Variants in EXOC6B observed in about 807,000 individuals in gnomAD.
The protein encoded by EXOC6B is exocyst complex component 6B.
A neutral mutation model predicts 113.5 loss-of-function variants in EXOC6B; 54 were observed. The observed-to-expected ratio is 0.48, with a 90% CI of 0.38 to 0.60. The LOEUF is 0.60. EXOC6B is among the 20% of genes least tolerant of loss of function. The probability of loss-of-function intolerance (pLI) is 0.00; values close to 1 mark genes in which losing one functional copy is unlikely to be tolerated. For missense variants in EXOC6B, 797 were observed against 977.5 expected, an observed-to-expected ratio of 0.82 and a Z score of 2.46; for synonymous variants, 357 against 339.0, an observed-to-expected ratio of 1.05 and a Z score of -0.58.
At chr2:72,819,718 T>C (rs1449518421) in intron 1 of EXOC6B, among the ~76,000 whole-genome samples, 3 of 152,024 alleles carry the variant, frequency 2.0e-5, no homozygotes, top group East Asian at 1.9e-4. Flanking sequence ...GCCTAGCAGG[T>C]ACCATGGCAC....
chr2:72,313,300 T>C (rs1205352551), intron 20 of EXOC6B, among the ~76,000 whole-genome samples: 1 of 152,112 alleles, frequency 6.6e-6, no homozygotes, highest in African/African-American at 2.4e-5. Context: ...AAATATTTGG[T>C]ACAACAAACC....
rs1164788371 is a variant in EXOC6B at position 72,733,264 on chromosome 2, T to G, written c.280-146A>C. On this transcript the variant is annotated intron_variant, in intron 2 of 21. Transcript: ENST00000272427. ...ACATATTGGTCCAGTGGCATTCTCT[T>G]GGGTTTAAATTATGTCAACTTTTCT... is the stretch of plus-strand genomic sequence containing the variant. 6 of 647,686 alleles carry G rather than the reference T, an allele frequency of 9.3e-6. No homozygotes were observed. In the African/African-American group the frequency reaches 1.1e-4, roughly 12 times the overall value. 40.1% of individuals were successfully genotyped at this position (647,686 alleles called of 1,614,324 possible).
At chr2:72,559,620 C>A in intron 7 of EXOC6B, 99 bp from the exon 8 acceptor site, 1 of 865,160 alleles carries the variant, frequency 1.2e-6, no homozygotes, top group Non-Finnish European at 1.8e-6. Flanking sequence ...TTTATAAAGG[C>A]CAGTTCTAGC....
intron 6 of EXOC6B, among the ~76,000 whole-genome samples, chr2:72,707,625 G>A (rs1332397068): frequency 1.3e-5 from 2 of 151,820 alleles, no homozygotes; most frequent in African/African-American, 4.8e-5. Context: ...TCTTGGCCAG[G>A]ATGGTCTTGA....
chr2:72,489,548 C>T (rs1264010689), intron 16 of EXOC6B, among the ~76,000 whole-genome samples: 2 of 152,154 alleles, frequency 1.3e-5, no homozygotes, highest in Admixed American at 6.5e-5. Flanking sequence ...AAGTACTTTA[C>T]ATGCTTCACA....
At chr2:72,706,181 T>C (rs1401102906) in intron 6 of EXOC6B, among the ~76,000 whole-genome samples, 3 of 152,132 alleles carry the variant, frequency 2.0e-5, no homozygotes, top group South Asian at 2.1e-4. Context: ...ACAAGACAGA[T>C]AGATACACAT....
At chr2:72,381,845 T>A (rs1691693359) in intron 18 of EXOC6B, among the ~76,000 whole-genome samples, 1 of 152,208 alleles carries the variant, frequency 6.6e-6, no homozygotes. Context: ...TTTCTACCAA[T>A]GAAACAAAAG....
At position 72,639,955 on chromosome 2, in the gene EXOC6B, C is replaced by A. The variant is rs113561389; in HGVS notation, c.670-64287G>T. Among the ~76,000 whole-genome samples, 24 of 152,332 alleles carry A rather than the reference C, an allele frequency of 1.6e-4. 2 individuals carry two copies. The highest frequency in any genetic ancestry group is 4.6e-4 in the African/African-American group (19 of 41,572). ...GAGGCCTGACAACTCAAAAAGCCAG[C>A]GTGCTTTCTTTCCTCCAAACAATGG... On this transcript the variant is annotated intron_variant, in intron 6 of 21. Coordinates refer to ENST00000272427, the MANE Select transcript of EXOC6B (RefSeq NM_015189.3).
chr2:72,392,916 C>T (rs2105119418), intron 18 of EXOC6B, among the ~76,000 whole-genome samples: 1 of 152,208 alleles, frequency 6.6e-6, no homozygotes, highest in East Asian at 1.9e-4. Flanking sequence ...GGGCCCAATT[C>T]TCAATGTCTC....
At chr2:72,704,238 A>T (rs1179535918) in intron 6 of EXOC6B, among the ~76,000 whole-genome samples, 2 of 150,962 alleles carry the variant, frequency 1.3e-5, no homozygotes, top group Non-Finnish European at 1.5e-5. Flanking sequence ...CTGGGTACAT[A>T]ACGAAATGAA....
intron 6 of EXOC6B, among the ~76,000 whole-genome samples, chr2:72,593,574 G>A (rs1333020128): frequency 1.3e-5 from 2 of 151,440 alleles, no homozygotes; most frequent in African/African-American, 2.4e-5. Context: ...TTCAAATGCC[G>A]GGGATGCAAT....
intron 17 of EXOC6B, among the ~76,000 whole-genome samples, chr2:72,480,345 G>A (rs551550909): frequency 4.7e-4 from 71 of 152,224 alleles, no homozygotes; most frequent in South Asian, 1.9e-3. Context: ...TTCAACTTAG[G>A]AAATAGTGAT....
At chr2:72,686,413 ACT>A (rs959218880) in intron 6 of EXOC6B, among the ~76,000 whole-genome samples, 4 of 152,152 alleles carry the variant, frequency 2.6e-5, no homozygotes, top group Non-Finnish European at 4.4e-5. Flanking sequence ...AGAGAGAGAT[ACT>A]CTCTTAGAGA....
At chr2:72,236,052 C>T (rs1454551115) in intron 20 of EXOC6B, among the ~76,000 whole-genome samples, 1 of 152,166 alleles carries the variant, frequency 6.6e-6, no homozygotes, top group South Asian at 2.1e-4. Context: ...AGGATTCCTA[C>T]TCACATTTTA....
intron 17 of EXOC6B, among the ~76,000 whole-genome samples, chr2:72,476,617 C>G (rs1214969995): frequency 6.6e-6 from 1 of 151,824 alleles, no homozygotes; most frequent in African/African-American, 2.4e-5. Context: ...CTTCTTTCCT[C>G]TCTTTCCTTC....
intron 10 of EXOC6B, among the ~76,000 whole-genome samples, chr2:72,513,625 A>T (rs944033826): frequency 2.6e-5 from 4 of 151,898 alleles, no homozygotes; most frequent in Non-Finnish European, 4.4e-5. Flanking sequence ...TTTTAAAGAG[A>T]TCATAAAAGC....
In EXOC6B at chr2:72,565,082, G is replaced by A. The variant is rs931704124; in HGVS notation, c.847-5561C>T. On this transcript the variant is annotated intron_variant, in intron 7 of 21. Transcript: ENST00000272427. Reference sequence around the variant, plus strand: ...CTGAACACTGAGGGCCAGGCATGGCGGCTTACACCTGTAATCCCAGCACTT... The same window carrying A: ...CTGAACACTGAGGGCCAGGCATGGCAGCTTACACCTGTAATCCCAGCACTT... Among the ~76,000 whole-genome samples, 9 of 152,222 alleles carry A rather than the reference G, an allele frequency of 5.9e-5. No homozygotes were observed. The East Asian group carries it at 1.5e-3, about 26-fold the overall frequency.
At chr2:72,322,348 G>A (rs1687884528) in intron 20 of EXOC6B, among the ~76,000 whole-genome samples, 1 of 152,072 alleles carries the variant, frequency 6.6e-6, no homozygotes, top group African/African-American at 2.4e-5. Context: ...ATAAATTCTA[G>A]GATTTACATA....
chr2:72,302,788 C>A (rs1686611679), intron 20 of EXOC6B, among the ~76,000 whole-genome samples: 1 of 151,738 alleles, frequency 6.6e-6, no homozygotes, highest in Non-Finnish European at 1.5e-5. Context: ...TTTCAGCTTG[C>A]CACTCCGTGC....
Sources: allele counts gnomAD v4.1 joint callset (sites outside exome capture counted in the v4.1 genomes callset), GRCh38; gene constraint gnomAD v4.1.1; transcripts MANE v1.5; gene names NCBI Gene and HGNC (gene_info 2026-07-23, HGNC 2026-07-21).